The following PDS5A variants were observed in gnomAD, a reference collection of about 807,000 sequenced individuals.
PDS5A encodes sister chromatid cohesion protein PDS5 homolog A.
PDS5A carries 42 observed loss-of-function variants against 167.1 expected under a neutral mutation model. The ratio of observed to expected loss-of-function variants is 0.25; its 90% CI spans 0.20 to 0.33. The LOEUF is 0.33. Ranked by LOEUF, PDS5A falls within the 10% of genes least tolerant of loss-of-function variation. The pLI is 1.00. For missense variants in PDS5A, 1,033 were observed against 1,605.9 expected, an observed-to-expected ratio of 0.64 and a Z score of 6.10; for synonymous variants, 553 against 554.6, an observed-to-expected ratio of 1.00 and a Z score of 0.04.
intron 10 of PDS5A, 104 bp downstream of exon 10, chr4:39,910,140 T>C (rs1426864504): frequency 3.4e-6 from 2 of 593,686 alleles, no homozygotes; most frequent in Non-Finnish European, 6.1e-6. Context: ...CACGAGACCA[T>C]ACCAGAGTTA....
intron 23 of PDS5A, among the ~76,000 whole-genome samples, chr4:39,865,128 CG>C (rs1719319403): frequency 6.6e-6 from 1 of 151,792 alleles, no homozygotes; most frequent in South Asian, 2.1e-4. Context: ...TTGCTTATAA[CG>C]TTTTTTTTTC....
At chr4:39,861,940 T>C (rs927483242) in intron 26 of PDS5A, among the ~76,000 whole-genome samples, 8 of 152,112 alleles carry the variant, frequency 5.3e-5, no homozygotes, top group Non-Finnish European at 8.8e-5. Context: ...TCAATATAAA[T>C]AGTAAAAATC....
intron 5 of PDS5A, among the ~76,000 whole-genome samples, chr4:39,924,498 G>A (rs1225126207): frequency 6.6e-6 from 1 of 152,128 alleles, no homozygotes; most frequent in Non-Finnish European, 1.5e-5. Flanking sequence ...TTTGTTTCAG[G>A]ATAATGTCTA....
chr4:39,874,996 T>C (rs1230248808), intron 19 of PDS5A, among the ~76,000 whole-genome samples: 1 of 152,166 alleles, frequency 6.6e-6, no homozygotes, highest in Non-Finnish European at 1.5e-5. Flanking sequence ...AAGAAGACTA[T>C]CATAGTCATT....
chr4:39,849,438 CAAAAAAAAA>C, intron 27 of PDS5A, 73 bp downstream of exon 27: 1 of 481,314 alleles, frequency 2.1e-6, no homozygotes, highest in Non-Finnish European at 3.4e-6. Context: ...TACGTATGGC[CAAAAAAAAA>C]AAAAAAAAAC....
At chr4:39,957,086 C>T (rs1728993977) in intron 2 of PDS5A, among the ~76,000 whole-genome samples, 1 of 152,166 alleles carries the variant, frequency 6.6e-6, no homozygotes, top group African/African-American at 2.4e-5. Context: ...TCTTTTCACA[C>T]ACAAGGAATC....
intron 26 of PDS5A, among the ~76,000 whole-genome samples, chr4:39,855,361 C>CGG: frequency 6.6e-6 from 1 of 152,140 alleles, no homozygotes; most frequent in Non-Finnish European, 1.5e-5. Flanking sequence ...CAAAAGCAAT[C>CGG]TAGAAAGAGA....
intron 15 of PDS5A, 30 bp downstream of exon 15, chr4:39,898,747 C>A (rs754652324): frequency 1.9e-5 from 27 of 1,402,722 alleles, no homozygotes; most frequent in South Asian, 4.9e-5. Flanking sequence ...ACGTTTACTA[C>A]ATGTTTAGTG....
chr4:39,969,913 A>G (rs762799683), intron 2 of PDS5A, among the ~76,000 whole-genome samples: 2 of 151,708 alleles, frequency 1.3e-5, no homozygotes, highest in Admixed American at 1.3e-4. Context: ...AAATAAATGT[A>G]TGGATAAATG....
intron 26 of PDS5A, among the ~76,000 whole-genome samples, chr4:39,859,735 G>A (rs896331724): frequency 2.0e-5 from 3 of 151,084 alleles, no homozygotes; most frequent in African/African-American, 7.3e-5. Context: ...AGAGGAACTA[G>A]ATGTGGAACT....
At chr4:39,888,168 C>T (rs1721644053) in intron 17 of PDS5A, among the ~76,000 whole-genome samples, 1 of 147,624 alleles carries the variant, frequency 6.8e-6, no homozygotes. Flanking sequence ...ACTGCGTGAA[C>T]CTGGGAGGTG....
intron 2 of PDS5A, among the ~76,000 whole-genome samples, chr4:39,968,347 CT>C (rs34421673): frequency 0.24 from 31,958 of 132,536 alleles, 4,353 homozygotes; most frequent in Middle Eastern, 0.36. Context: ...ATTTGTGATT[CT>C]TTTTTTTTTT....
chr4:39,825,445 T>C lies in PDS5A; in HGVS notation c.*40A>G. ...AGTTTTTGCAGAAGCTGGAGCCTGC[T>C]TCTGTTTGGCCTTCATTTTCTCCCT... On this transcript the variant is annotated 3_prime_UTR_variant, in exon 33 of 33. Coordinates refer to ENST00000303538, the MANE Select transcript of PDS5A (RefSeq NM_001100399.2). 1 of 1,561,104 alleles carries C rather than the reference T, an allele frequency of 6.4e-7. No individual in the cohort carries two copies. The highest frequency in any genetic ancestry group is 8.7e-7 in the Non-Finnish European group (1 of 1,147,296).
chr4:39,917,214 G>C (rs749604002), intron 7 of PDS5A, 26 bp from the exon 8 acceptor site: 2 of 1,470,962 alleles, frequency 1.4e-6, no homozygotes, highest in East Asian at 2.5e-5. Flanking sequence ...AAAACAAAAA[G>C]AAAACATCCA....
chr4:39,921,689 C>T (rs1288260691), intron 6 of PDS5A, among the ~76,000 whole-genome samples: 1 of 151,176 alleles, frequency 6.6e-6, no homozygotes, highest in Admixed American at 6.6e-5. Context: ...GAGACAGAGG[C>T]GGCAATGAGC....
chr4:39,887,659 GAGCCA>G (rs1721593425), intron 17 of PDS5A, among the ~76,000 whole-genome samples: 1 of 152,094 alleles, frequency 6.6e-6, no homozygotes, highest in Non-Finnish European at 1.5e-5. Context: ...ACAGTGATCT[GAGCCA>G]AGTTTGTTTG....
intron 3 of PDS5A, 81 bp from the exon 4 acceptor site, chr4:39,926,942 T>C: frequency 1.7e-6 from 2 of 1,159,144 alleles, no homozygotes; most frequent in East Asian, 6.6e-5. Context: ...CTTTATTATT[T>C]GTGTACAAAC....
chr4:39,850,238 C>T (rs1318906980), intron 26 of PDS5A, among the ~76,000 whole-genome samples: 1 of 150,544 alleles, frequency 6.6e-6, no homozygotes, highest in Non-Finnish European at 1.5e-5. Flanking sequence ...CACCACTGCA[C>T]TCCAACCTGG....
chr4:39,973,339 T>C (rs1177487608), intron 2 of PDS5A: 1 of 1,606,830 alleles, frequency 6.2e-7, no homozygotes, highest in Non-Finnish European at 8.5e-7. Flanking sequence ...AGCAGGCTGT[T>C]GCATTGTAAC....
Sources: gnomAD v4.1 joint callset for allele counts (sites outside exome capture counted in the v4.1 genomes callset) on GRCh38, gnomAD v4.1.1 for gene constraint, MANE v1.5 for transcripts, NCBI Gene and HGNC (gene_info 2026-07-23, HGNC 2026-07-21) for gene names.